Variants in EXOC3L2 observed in about 807,000 individuals in gnomAD.
The protein encoded by EXOC3L2 is exocyst complex component 3-like protein 2.
Under a neutral mutation model 44.4 loss-of-function variants are expected in EXOC3L2, and 17 were observed. That is an observed-to-expected ratio of 0.38 (90% confidence interval 0.26 to 0.57). The LOEUF (loss-of-function observed/expected upper bound fraction) is 0.57. Ranked by LOEUF, EXOC3L2 falls within the 20% of genes least tolerant of loss-of-function variation. EXOC3L2 has a pLI of 0.65. For missense variants in EXOC3L2, 541 were observed against 588.4 expected (o/e 0.92, Z 0.83); for synonymous variants, 256 against 253.7 (o/e 1.01, Z -0.09).
chr19:45,226,876 C>T (rs1599764268), intron 7 of EXOC3L2, among the ~76,000 whole-genome samples: 2 of 149,900 alleles, frequency 1.3e-5, no homozygotes, highest in South Asian at 4.2e-4. Context: ...CCTCAGCCTT[C>T]GGAGTAGCTG....
intron 8 of EXOC3L2, among the ~76,000 whole-genome samples, chr19:45,223,928 A>G (rs544190350): frequency 9.9e-5 from 15 of 152,166 alleles, no homozygotes; most frequent in African/African-American, 3.6e-4. Context: ...TGGGAGGCAG[A>G]GGTTGCAGTG....
intron 7 of EXOC3L2, among the ~76,000 whole-genome samples, chr19:45,226,741 C>A (rs2122972462): frequency 7.5e-6 from 1 of 132,868 alleles, no homozygotes; most frequent in East Asian, 2.2e-4. Flanking sequence ...CAGCTGACTC[C>A]CATCTCTTTT....
At chr19:45,218,793 G>T (rs1181630346) in intron 8 of EXOC3L2, among the ~76,000 whole-genome samples, 1 of 151,998 alleles carries the variant, frequency 6.6e-6, no homozygotes, top group African/African-American at 2.4e-5. Flanking sequence ...GAAAACAGGG[G>T]ACTTCATTTA....
chr19:45,236,632 G>C (rs1383939399), intron 2 of EXOC3L2, among the ~76,000 whole-genome samples: 1 of 151,964 alleles, frequency 6.6e-6, no homozygotes, highest in Non-Finnish European at 1.5e-5. Context: ...GGGATGAAGA[G>C]GAGGTTGCGT....
chr19:45,242,204 C>T (rs1470647498), intron 1 of EXOC3L2, among the ~76,000 whole-genome samples: 3 of 152,208 alleles, frequency 2.0e-5, no homozygotes, highest in Non-Finnish European at 2.9e-5. Context: ...ATAAACACTT[C>T]TGTGCCTACA....
At chr19:45,224,516 G>A (rs1438147909) in intron 8 of EXOC3L2, among the ~76,000 whole-genome samples, 2 of 152,064 alleles carry the variant, frequency 1.3e-5, no homozygotes, top group African/African-American at 4.8e-5. Flanking sequence ...AGGAGAGCCT[G>A]AGCAGGGATC....
intron 8 of EXOC3L2, among the ~76,000 whole-genome samples, chr19:45,221,851 T>C (rs181890181): frequency 6.6e-5 from 10 of 151,898 alleles, no homozygotes; most frequent in Admixed American, 2.0e-4. Flanking sequence ...GGCCTCATTA[T>C]GTTGCCCAGG....
chr19:45,218,045 A>G (rs1399846834), intron 9 of EXOC3L2, 152 bp downstream of exon 9: 2 of 1,109,708 alleles, frequency 1.8e-6, no homozygotes, highest in East Asian at 5.4e-5. Context: ...TCCCATCCAC[A>G]GGGAGCCGCT....
Position 45,212,797 on chromosome 19 carries a change from A to G in EXOC3L2, c.*272T>C. 2.6e-6 allele frequency: 1 copy of G among 380,502 alleles called. No homozygotes were observed. The highest frequency in any genetic ancestry group is 6.8e-5 in the South Asian group (1 of 14,700). The allele number at this position is 380,502 out of a possible 1,614,324, so 23.6% of individuals were successfully genotyped here. On this transcript the variant is annotated 3_prime_UTR_variant, in exon 12 of 12. Coordinates refer to ENST00000413988, the MANE Select transcript of EXOC3L2 (RefSeq NM_001382422.1). ...TTTGTAGAGATAGGGGGCAGGTCTC[A>G]CTATGTTGCCCAGGCTGGTCTTGAA...
At chr19:45,225,247 G>C (rs1969945413) in intron 7 of EXOC3L2, among the ~76,000 whole-genome samples, 2 of 151,834 alleles carry the variant, frequency 1.3e-5, no homozygotes, top group African/African-American at 4.8e-5. Context: ...GAGTGTGGAG[G>C]CCTCCATTCT....
intron 7 of EXOC3L2, among the ~76,000 whole-genome samples, chr19:45,227,102 A>C (rs1355334026): frequency 6.8e-6 from 1 of 147,826 alleles, no homozygotes; most frequent in African/African-American, 2.5e-5. Flanking sequence ...AAGGATAAAA[A>C]GGCAAAAAAA....
chr19:45,220,426 T>C (rs1969884311), intron 8 of EXOC3L2, among the ~76,000 whole-genome samples: 1 of 150,846 alleles, frequency 6.6e-6, no homozygotes, highest in Non-Finnish European at 1.5e-5. Context: ...GCTATGATCA[T>C]GCCATTGCAC....
At chr19:45,229,980 TC>T (rs1173852522) in intron 4 of EXOC3L2, among the ~76,000 whole-genome samples, 18 of 150,232 alleles carry the variant, frequency 1.2e-4, no homozygotes, top group African/African-American at 4.1e-4. Context: ...TAAATATAAA[TC>T]CTATTATTAC....
intron 10 of EXOC3L2, among the ~76,000 whole-genome samples, chr19:45,216,475 A>C (rs1284094082): frequency 6.6e-6 from 1 of 152,184 alleles, no homozygotes; most frequent in South Asian, 2.1e-4. Flanking sequence ...ACTACTCAGG[A>C]GGCTGAAGCA....
intron 8 of EXOC3L2, among the ~76,000 whole-genome samples, chr19:45,222,200 CCTT>C (rs1310943540): frequency 2.5e-4 from 36 of 145,466 alleles, no homozygotes; most frequent in African/African-American, 9.0e-4. Flanking sequence ...GTTTTTCTCT[CCTT>C]TTTTTTTTTT....
In EXOC3L2 at chr19:45,231,803, G is replaced by A; in HGVS notation, c.1229C>T (p.Thr410Ile). The change falls in exon 4 of 12, where the codon ACC becomes ATC. Residue 410 changes from threonine (T) to isoleucine (I), a missense_variant. Physicochemically the swap from Thr to Ile is moderately conservative, Grantham distance 89 (BLOSUM62 -1). Coordinates refer to ENST00000413988, the MANE Select transcript of EXOC3L2 (RefSeq NM_001382422.1). Reference sequence around the variant, plus strand: ...GCATTCATCCTCCAAACCCCGCAGGGTGCCAGGGGAGAGAAGGGGCCCCAG... The same window carrying A: ...GCATTCATCCTCCAAACCCCGCAGGATGCCAGGGGAGAGAAGGGGCCCCAG... ...GELGPLLSPG[T>I]LRGLEDECVT... 2 of 1,610,982 alleles carry A rather than the reference G, an allele frequency of 1.2e-6. No homozygotes were observed. Among genetic ancestry groups the A allele is most frequent in the Non-Finnish European group, 1.7e-6 (2 of 1,177,590 alleles).
chr19:45,238,584 C>G lies in EXOC3L2; in HGVS notation c.462G>C (p.Glu154Asp), dbSNP rs2122991507. ...SLAERVVPAGEAAPEPPPKVP... is the reference protein window; with the variant it reads ...SLAERVVPAGDAAPEPPPKVP... ...CCTTGGGTGGGGGCTCTGGAGCTGC[C>G]TCGCCTGCAGGCACCACTCTCTCAG... is the stretch of plus-strand genomic sequence containing the variant. The change falls in exon 2 of 12, where the codon GAG (glutamate) becomes GAC (aspartate). Residue 154 changes from glutamate (E) to aspartate (D), a missense_variant. Transcript: ENST00000413988. This position sits in a 1 kb window ranked among gnomAD's most constrained non-coding sequence, Gnocchi z 5.5. 2.5e-6 allele frequency: 1 copy of G among 399,728 alleles called. No homozygotes were observed. The highest frequency in any genetic ancestry group is 3.6e-5 in the East Asian group (1 of 28,074). The allele number at this position is 399,728 out of a possible 1,614,324, so 24.8% of individuals were successfully genotyped here. A position where few individuals can be genotyped will look rare whatever the true frequency, so the allele number is the denominator to read the frequency against.
chr19:45,234,377 C>T lies in EXOC3L2; in HGVS notation c.973G>A (p.Glu325Lys). ...CGGCCCCGCACCACGGCCATATCCT[C>T]CAGCAGCCGCGCCCGCAGCGCCTCC... is the stretch of plus-strand genomic sequence containing the variant. Reference protein sequence around the residue: ...QLEALRARLLEDMAVVRGRLA... With the variant: ...QLEALRARLLKDMAVVRGRLA... The change falls in exon 3 of 12, where the codon GAG becomes AAG. Residue 325 changes from glutamate (E) to lysine (K), a missense_variant. Transcript: ENST00000413988. The surrounding 1 kb of genome is among the most constrained non-coding windows in gnomAD (Gnocchi z 5.0). The T allele has an allele frequency of 2.9e-6, 1 of 340,216 alleles. No individual in the cohort carries two copies. Among genetic ancestry groups the T allele is most frequent in the Admixed American group, 4.8e-5 (1 of 20,700 alleles). The allele number at this position is 340,216 out of a possible 1,614,324, so 21.1% of individuals were successfully genotyped here.
At position 45,224,898 on chromosome 19, in the gene EXOC3L2, G is replaced by A. The variant is rs571153044; in HGVS notation, c.1599C>T (p.Arg533=). 42 of 1,555,242 alleles carry A rather than the reference G, an allele frequency of 2.7e-5. 1 individual carries two copies. In the South Asian group the frequency reaches 5.1e-4, roughly 19 times the overall value. The part of the protein sequence containing the change: ...CGPPLRALAE[R]LARVGPPESE... ...TTTCTGGGGGCCCCACCCGGGCCAG[G>A]CGCTCGGCCAGAGCTCTGTGGGGAT... The change falls in exon 8 of 12, where the codon CGC becomes CGT. Residue 533 remains arginine (R), a synonymous_variant. Coordinates refer to ENST00000413988, the MANE Select transcript of EXOC3L2 (RefSeq NM_001382422.1).
Sources: allele counts gnomAD v4.1 joint callset (sites outside exome capture counted in the v4.1 genomes callset), GRCh38; gene constraint gnomAD v4.1.1; non-coding constraint Gnocchi (gnomAD v3.1); transcripts MANE v1.5; gene names NCBI Gene and HGNC (gene_info 2026-07-23, HGNC 2026-07-21).